The following MAP3K1 variants were observed in gnomAD, a reference collection of about 807,000 sequenced individuals.
The protein encoded by MAP3K1 is MAP/ERK kinase kinase 1.
Under a neutral mutation model 144.2 loss-of-function variants are expected in MAP3K1, and 36 were observed. The observed-to-expected ratio is 0.25, with a 90% CI of 0.19 to 0.33. MAP3K1 has a LOEUF of 0.33. Ranked by LOEUF, MAP3K1 falls within the 10% of genes least tolerant of loss-of-function variation. The probability of loss-of-function intolerance (pLI) is 1.00; values close to 1 mark genes in which losing one functional copy is unlikely to be tolerated. For missense variants in MAP3K1, 1,650 were observed against 1,881.9 expected (o/e 0.88, Z 2.28); for synonymous variants, 718 against 688.7 (o/e 1.04, Z -0.67).
chr5:56,871,974 C>T lies in MAP3K1; in HGVS notation c.1366C>T (p.Leu456Phe). The T allele has an allele frequency of 6.2e-7, 1 of 1,613,954 alleles. No homozygotes were observed. The highest frequency in any genetic ancestry group is 8.5e-7 in the Non-Finnish European group (1 of 1,179,904). The change falls in exon 7 of 20, where the codon CTT becomes TTT. Residue 456 changes from leucine to phenylalanine, a missense_variant. By Grantham distance (22) the Leu-to-Phe change is conservative. This residue lies in a region of MAP3K1 where 125 missense variants were observed against 179.9 expected (regional missense o/e 0.69). Transcript: ENST00000399503. ...CLLGMLDEESLTVCEDGCRNK... is the reference protein window; with the variant it reads ...CLLGMLDEESFTVCEDGCRNK... ...GTTGGGCATGCTTGATGAAGAAAGT[C>T]TTACAGTGTGTGAAGACGGCTGCAG...
intron 1 of MAP3K1, among the ~76,000 whole-genome samples, chr5:56,816,720 C>T (rs1745986211): frequency 6.6e-6 from 1 of 152,176 alleles, no homozygotes. Context: ...CAAAGCCGTG[C>T]GGCGGGAGGC....
chr5:56,821,466 G>A (rs1581203869), intron 1 of MAP3K1, among the ~76,000 whole-genome samples: 1 of 152,230 alleles, frequency 6.6e-6, no homozygotes, highest in East Asian at 1.9e-4. Context: ...TTCATCACTT[G>A]TAAGCATAAT....
At chr5:56,825,351 A>G (rs1746279852) in intron 1 of MAP3K1, among the ~76,000 whole-genome samples, 1 of 152,204 alleles carries the variant, frequency 6.6e-6, no homozygotes, top group African/African-American at 2.4e-5. Flanking sequence ...CAAGTTTTGT[A>G]CAAAGATTGA....
In MAP3K1 at chr5:56,872,969, T is replaced by C. The variant is rs766715691; in HGVS notation, c.1650T>C (p.Pro550=). The part of the protein sequence containing the change: ...NLTHYGTQQI[P]PAYKDLAEPW... ...CTCATTATGGAACTCAGCAAATCCC[T>C]CCTGCTTACAAAGATTTAGCTGAGC... The change falls in exon 9 of 20, where the codon CCT becomes CCC. Residue 550 remains proline (P), a synonymous_variant. Transcript: ENST00000399503. 5.0e-6 allele frequency: 8 copies of C among 1,613,978 alleles called. No homozygotes were observed. The African/African-American group carries it at 9.3e-5, about 19-fold the overall frequency.
rs768517696 is a variant in MAP3K1 at position 56,880,750 on chromosome 5, G to C, written c.2127G>C (p.Leu709=). The change falls in exon 12 of 20, where the codon CTG becomes CTC. Residue 709 remains leucine, a synonymous_variant. Coordinates refer to ENST00000399503, the MANE Select transcript of MAP3K1 (RefSeq NM_005921.2). ...TGTCCATATCAACACTGTTGGAACT[G>C]TGCAAAGGCCAAGCAGGAGAGTTGG... ...SQLSISTLLE[L]CKGQAGELAV... 6.2e-7 allele frequency: 1 copy of C among 1,613,732 alleles called. No individual in the cohort carries two copies. The highest frequency in any genetic ancestry group is 8.5e-7 in the Non-Finnish European group (1 of 1,179,784).
At position 56,872,900 on chromosome 5, in the gene MAP3K1, T is replaced by A. The variant is rs1418891046; in HGVS notation, c.1581T>A (p.Pro527=). 6.2e-7 allele frequency: 1 copy of A among 1,614,144 alleles called. No individual in the cohort carries two copies. Among genetic ancestry groups the A allele is most frequent in the Admixed American group, 1.7e-5 (1 of 60,018 alleles). ...AGCAGCAAACCGTACAGCAGCAGCCTTTGGCTGGATCACGAAGGAATCAAG... is the reference window on the plus strand; with the variant it reads ...AGCAGCAAACCGTACAGCAGCAGCCATTGGCTGGATCACGAAGGAATCAAG... The part of the protein sequence containing the change: ...AAQQQTVQQQ[P]LAGSRRNQES... The change falls in exon 9 of 20, where the codon CCT becomes CCA. Residue 527 remains proline (P), a synonymous_variant. Transcript: ENST00000399503.
At chr5:56,874,940 T>C in intron 9 of MAP3K1, 92 bp from the exon 10 acceptor site, 1 of 1,309,850 alleles carries the variant, frequency 7.6e-7, no homozygotes, top group Non-Finnish European at 1.1e-6. Context: ...TGTCCAGTTT[T>C]TACGTAGTAA....
intron 1 of MAP3K1, among the ~76,000 whole-genome samples, chr5:56,849,156 C>T (rs937019792): frequency 1.4e-4 from 22 of 152,008 alleles, no homozygotes; most frequent in African/African-American, 4.3e-4. Flanking sequence ...AAGGCCAGCC[C>T]GGACAACATG....
rs769894625 is a variant in MAP3K1, at chr5:56,882,725, A to G, written c.3525A>G (p.Gln1175=). The stretch of plus-strand genomic sequence containing the variant: ...ACAAAGATGATGTGAATCATAATCA[A>G]AAGTGCAAAGAGAAGATGGAAGCTG... ...DTYKDDVNHN[Q]KCKEKMEAEE... is the part of the protein sequence containing the mutation. The change falls in exon 14 of 20, where the codon CAA becomes CAG. Residue 1175 remains glutamine (Q), a synonymous_variant. Transcript: ENST00000399503. 21 of 1,613,656 alleles carry G rather than the reference A, an allele frequency of 1.3e-5. No homozygotes were observed. The highest frequency in any genetic ancestry group is 6.7e-5 in the East Asian group (3 of 44,888).
chr5:56,826,406 CAA>C, intron 1 of MAP3K1, among the ~76,000 whole-genome samples: 1 of 152,130 alleles, frequency 6.6e-6, no homozygotes, highest in East Asian at 1.9e-4. Flanking sequence ...ACAGTGTTCA[CAA>C]AGAGATGTTT....
intron 1 of MAP3K1, among the ~76,000 whole-genome samples, chr5:56,816,786 C>A (rs1008878021): frequency 1.3e-5 from 2 of 152,204 alleles, no homozygotes; most frequent in Non-Finnish European, 2.9e-5. Flanking sequence ...CTAATTGCAG[C>A]CCCCAAGGGG....
chr5:56,833,127 C>T (rs1348766819), intron 1 of MAP3K1, among the ~76,000 whole-genome samples: 1 of 152,180 alleles, frequency 6.6e-6, no homozygotes, highest in Non-Finnish European at 1.5e-5. Flanking sequence ...GCCTCAGCCT[C>T]CCAAAGTGCT....
chr5:56,852,371 C>T (rs962622996), intron 1 of MAP3K1, among the ~76,000 whole-genome samples: 4 of 152,152 alleles, frequency 2.6e-5, no homozygotes, highest in African/African-American at 9.7e-5. Flanking sequence ...ACCCTTGAAG[C>T]ATCTTGGTTT....
At position 56,864,815 on chromosome 5, in the gene MAP3K1, C is replaced by A. The variant is rs749900834; in HGVS notation, c.916C>A (p.Arg306Ser). ...FSPYSPEETNRRVNKVMRARL... is the reference protein window; with the variant it reads ...FSPYSPEETNSRVNKVMRARL... ...ACCATATAGCCCTGAGGAAACAAAC[C>A]GCCGTGTTAACAAAGTGATGCGGGC... The change falls in exon 4 of 20, where the codon CGC becomes AGC. Residue 306 changes from arginine to serine, a missense_variant. Transcript: ENST00000399503. 6.2e-7 allele frequency: 1 copy of A among 1,614,032 alleles called. No homozygotes were observed. Among genetic ancestry groups the A allele is most frequent in the Non-Finnish European group, 8.5e-7 (1 of 1,180,008 alleles).
rs781158252 is a variant in MAP3K1, at chr5:56,872,908, G to C, written c.1589G>C (p.Gly530Ala). 6.2e-7 allele frequency: 1 copy of C among 1,614,100 alleles called. No individual in the cohort carries two copies. The highest frequency in any genetic ancestry group is 1.3e-5 in the African/African-American group (1 of 75,046). ...QQTVQQQPLA[G>A]SRRNQESNFN... ...ACCGTACAGCAGCAGCCTTTGGCTG[G>C]ATCACGAAGGAATCAAGAGAGCAAT... Residue 530 changes from glycine (G) to alanine (A), a missense_variant, in exon 9 of 20, where the codon GGA (glycine) becomes GCA (alanine). By Grantham distance (60) the Gly-to-Ala change is moderately conservative. Transcript: ENST00000399503.
intron 1 of MAP3K1, among the ~76,000 whole-genome samples, chr5:56,839,904 CT>C (rs34627871): frequency 6.6e-6 from 1 of 151,738 alleles, no homozygotes; most frequent in Non-Finnish European, 1.5e-5. Context: ...AAATAATCAT[CT>C]TATTAATGTT....
chr5:56,869,514 G>A (rs1000609194), intron 6 of MAP3K1, among the ~76,000 whole-genome samples: 1 of 152,072 alleles, frequency 6.6e-6, no homozygotes, highest in African/African-American at 2.4e-5. Context: ...TATATGAAGA[G>A]TTTAAGTGCA....
intron 15 of MAP3K1, 82 bp from the exon 16 acceptor site, chr5:56,884,582 G>T (rs1437019582): frequency 1.8e-5 from 24 of 1,309,092 alleles, no homozygotes; most frequent in Non-Finnish European, 2.6e-5. Flanking sequence ...TGCTAATAAA[G>T]TGCTAGTTTG....
chr5:56,847,289 T>G (rs1051314390), intron 1 of MAP3K1, among the ~76,000 whole-genome samples: 1 of 152,346 alleles, frequency 6.6e-6, no homozygotes, highest in Admixed American at 6.5e-5. Flanking sequence ...AATGTTTGTA[T>G]GTTAGTTTAA....
Sources: allele counts gnomAD v4.1 joint callset (sites outside exome capture counted in the v4.1 genomes callset), GRCh38; gene constraint gnomAD v4.1.1; regional missense constraint gnomAD v4.1.1; transcripts MANE v1.5; gene names NCBI Gene and HGNC (gene_info 2026-07-23, HGNC 2026-07-21).